The following PLA2G6 variants were observed in gnomAD, a reference collection of about 807,000 sequenced individuals.
The protein encoded by PLA2G6 is 85/88 kDa calcium-independent phospholipase A2.
PLA2G6 carries 62 observed loss-of-function variants against 83.8 expected under a neutral mutation model. That is an observed-to-expected ratio of 0.74 (90% CI 0.60 to 0.91). The LOEUF (loss-of-function observed/expected upper bound fraction) is 0.91. Ranked by LOEUF, PLA2G6 falls within the 40% of genes least tolerant of loss-of-function variation. The pLI, the probability that PLA2G6 is intolerant of heterozygous loss-of-function variation, is 0.00. For missense variants in PLA2G6, 944 were observed against 1,102.0 expected (o/e 0.86, Z 2.03); for synonymous variants, 417 against 449.8 (o/e 0.93, Z 0.92).
chr22:38,173,615 G>T (rs1012414980), intron 1 of PLA2G6, among the ~76,000 whole-genome samples: 3 of 152,156 alleles, frequency 2.0e-5, no homozygotes, highest in Non-Finnish European at 2.9e-5. Context: ...TTCATTGAGG[G>T]AAGACTGACA....
intron 2 of PLA2G6, among the ~76,000 whole-genome samples, chr22:38,155,956 C>A (rs1310586038): frequency 3.3e-5 from 5 of 152,124 alleles, no homozygotes; most frequent in Admixed American, 3.3e-4. Flanking sequence ...TAAAGACACA[C>A]ATAGACTGAA....
At chr22:38,134,956 T>TG in intron 6 of PLA2G6, 32 bp downstream of exon 6, 3 of 600,086 alleles carry the variant, frequency 5.0e-6, no homozygotes, top group Non-Finnish European at 3.2e-6. Context: ...CCCGGCCCCC[T>TG]GCCCCACCCA....
chr22:38,160,539 A>C (rs532014301), intron 2 of PLA2G6, among the ~76,000 whole-genome samples: 11 of 152,338 alleles, frequency 7.2e-5, no homozygotes, highest in African/African-American at 2.6e-4. Flanking sequence ...GCTAACAAAG[A>C]AGCCAGATAG....
At chr22:38,113,907 C>A (rs1211807627) in intron 14 of PLA2G6, 2 of 605,090 alleles carry the variant, frequency 3.3e-6, no homozygotes, top group South Asian at 1.6e-5. Flanking sequence ...ACACATACAC[C>A]AGCTGCAAGA....
chr22:38,127,212 G>A lies in PLA2G6; in HGVS notation c.1349-763C>T, dbSNP rs1227683313. 102 of 1,189,762 alleles carry A rather than the reference G, an allele frequency of 8.6e-5. 1 individual carries two copies. The South Asian group carries it at 1.2e-3, about 14-fold the overall frequency. 73.7% of individuals were successfully genotyped at this position (1,189,762 alleles called of 1,614,324 possible). A position where few individuals can be genotyped will look rare whatever the true frequency, so the allele number is the denominator to read the frequency against. The stretch of plus-strand genomic sequence containing the variant: ...GCAGAACCGAGGGCTGCGAAGCGGT[G>A]TCTCCCCCTCCCCAGGGCACACGGC... On this transcript the variant is annotated intron_variant, in intron 9 of 16. Transcript: ENST00000332509.
Position 38,128,223 on chromosome 22 carries a change from G to C in PLA2G6, c.1348+46C>G. 2 of 1,592,998 alleles carry C rather than the reference G, an allele frequency of 1.3e-6. No homozygotes were observed. Among genetic ancestry groups the C allele is most frequent in the Non-Finnish European group, 1.7e-6 (2 of 1,162,646 alleles). On this transcript the variant is annotated intron_variant, in intron 9 of 16. Transcript: ENST00000332509. The surrounding 1 kb of genome is among the most constrained non-coding windows in gnomAD (Gnocchi z 4.4). ...TGGTGGGGCCTGCTGTGATCCAGGG[G>C]CCTGGGAACCAGCTGGAGAAGAGGG... is the stretch of plus-strand genomic sequence containing the variant.
At chr22:38,145,332 C>T (rs1392833127) in intron 3 of PLA2G6, 106 bp downstream of exon 3, 11 of 958,294 alleles carry the variant, frequency 1.1e-5, no homozygotes, top group Non-Finnish European at 1.8e-5. Flanking sequence ...CCAGGCCCTG[C>T]TCCTTTTTAA....
intron 1 of PLA2G6, among the ~76,000 whole-genome samples, chr22:38,179,423 G>A (rs2090761171): frequency 6.6e-6 from 1 of 152,140 alleles, no homozygotes; most frequent in African/African-American, 2.4e-5. Flanking sequence ...AGAGTGGGAG[G>A]GACATGTTTT....
chr22:38,161,654 T>G (rs148613464), intron 2 of PLA2G6, among the ~76,000 whole-genome samples: 1 of 152,172 alleles, frequency 6.6e-6, no homozygotes, highest in Non-Finnish European at 1.5e-5. Flanking sequence ...AACACATCGG[T>G]GCTGACAACA....
intron 1 of PLA2G6, 66 bp from the exon 2 acceptor site, chr22:38,169,537 C>A: frequency 1.1e-6 from 1 of 884,208 alleles, no homozygotes; most frequent in African/African-American, 1.7e-5. Context: ...CCCAGTGCAG[C>A]GGTTTCCTGC....
At chr22:38,117,719 G>A (rs1450035584) in intron 12 of PLA2G6, among the ~76,000 whole-genome samples, 2 of 152,054 alleles carry the variant, frequency 1.3e-5, no homozygotes, top group African/African-American at 4.8e-5. Context: ...TCTGACACAC[G>A]CTACAACATG....
At chr22:38,168,653 C>T (rs746045685) in intron 2 of PLA2G6, among the ~76,000 whole-genome samples, 16 of 152,172 alleles carry the variant, frequency 1.1e-4, no homozygotes, top group Non-Finnish European at 2.2e-4. Context: ...AGTTTGAGAC[C>T]AGCCTGGCCA....
At chr22:38,112,371 G>T in intron 16 of PLA2G6, 66 bp from the exon 17 acceptor site, 1 of 1,576,564 alleles carries the variant, frequency 6.3e-7, no homozygotes, top group Non-Finnish European at 8.7e-7. Flanking sequence ...CGCCAGCTAG[G>T]ACCAGGGTGG....
At chr22:38,156,655 G>C (rs2089792893) in intron 2 of PLA2G6, among the ~76,000 whole-genome samples, 1 of 151,884 alleles carries the variant, frequency 6.6e-6, no homozygotes. Context: ...GGGTTTCACT[G>C]TGTTAGCCAG....
chr22:38,148,621 C>T lies in PLA2G6; in HGVS notation c.210-2968G>A, dbSNP rs368638364. 245 of 709,906 alleles carry T rather than the reference C, an allele frequency of 3.5e-4. 3 individuals carry two copies. The Middle Eastern group carries it at 8.4e-3, about 24-fold the overall frequency. 44.0% of individuals were successfully genotyped at this position (709,906 alleles called of 1,614,324 possible). A position where few individuals can be genotyped will look rare whatever the true frequency, so the allele number is the denominator to read the frequency against. On this transcript the variant is annotated intron_variant, in intron 2 of 16. Transcript: ENST00000332509. ...CAGGACACAGGGACTGGAGCCCAGG[C>T]GTCTGCCAAGAGGAGAGCCCTGATG...
intron 12 of PLA2G6, among the ~76,000 whole-genome samples, chr22:38,120,470 G>A (rs552367174): frequency 1.7e-4 from 25 of 151,216 alleles, no homozygotes; most frequent in African/African-American, 5.9e-4. Flanking sequence ...GCCGGGCAGG[G>A]CAGAGCCAGG....
chr22:38,144,632 CA>C (rs5845371), intron 3 of PLA2G6: 3,753 of 30,878 alleles, frequency 0.12, 271 homozygotes, highest in African/African-American at 0.29. Flanking sequence ...GACTCCGTCT[CA>C]AAAAAAAAAA....
chr22:38,145,126 C>CT lies in PLA2G6; in HGVS notation c.425+311dup, dbSNP rs371330339. 8.5e-3 allele frequency: 3,119 copies of CT among 368,894 alleles called. 23 individuals carry two copies. The highest frequency in any genetic ancestry group is 0.015 in the Middle Eastern group (16 of 1,086). The allele number at this position is 368,894 out of a possible 1,614,324, so 22.9% of individuals were successfully genotyped here. A position where few individuals can be genotyped will look rare whatever the true frequency, so the allele number is the denominator to read the frequency against. On this transcript the variant is annotated intron_variant, in intron 3 of 16. Transcript: ENST00000332509. Reference sequence around the variant, plus strand: ...GTGCAATCATAGCTCACTGTAAACTCTAACTCCTGGGCTCAAGCAATCCTC... The same window carrying CT: ...GTGCAATCATAGCTCACTGTAAACTCTTAACTCCTGGGCTCAAGCAATCCTC...
Position 38,113,432 on chromosome 22 carries a change from C to T in PLA2G6, c.2202+55G>A, listed in dbSNP as rs2076114. 0.072 allele frequency: 112,993 copies of T among 1,560,364 alleles called. 4,849 individuals carry two copies. Among genetic ancestry groups the T allele is most frequent in the East Asian group, 0.21 (9,376 of 44,616 alleles). The stretch of plus-strand genomic sequence containing the variant: ...GCCCCACAGGATGAGGGGAAGCCAT[C>T]GACCTGGGCTACAGACCCTGAGGGA... On this transcript the variant is annotated intron_variant, in intron 15 of 16. Transcript: ENST00000332509.
Sources: gnomAD v4.1 joint callset for allele counts (sites outside exome capture counted in the v4.1 genomes callset) on GRCh38, gnomAD v4.1.1 for gene constraint, Gnocchi (gnomAD v3.1) non-coding constraint, MANE v1.5 for transcripts, NCBI Gene and HGNC (gene_info 2026-07-23, HGNC 2026-07-21) for gene names.